Variants in MEF2C observed in about 807,000 individuals in gnomAD.
MEF2C encodes myocyte enhancer factor 2C.
In MEF2C, 6 loss-of-function variants were observed where a neutral mutation model predicts 50.5. That is an observed-to-expected ratio of 0.12 (90% CI 0.07 to 0.23). The LOEUF is 0.23. MEF2C is among the 10% of genes least tolerant of loss of function. MEF2C has a pLI of 1.00. For synonymous variants in MEF2C, 183 were observed against 228.0 expected (o/e 0.80, Z 1.78); for missense variants, 276 against 605.0 (o/e 0.46, Z 5.70).
Position 88,731,501 on chromosome 5 carries a change from C to T in MEF2C, c.810+228G>A, listed in dbSNP as rs1761582171. On this transcript the variant is annotated intron_variant, in intron 7 of 10. Transcript: ENST00000504921. ...GTTTTTCTTATCCTAGAACATCAGC[C>T]TAGTGAAGTTCACCAGATATATATA... 4 of 461,384 alleles carry T rather than the reference C, an allele frequency of 8.7e-6. No homozygotes were observed. In the South Asian group the frequency reaches 1.0e-4, roughly 12 times the overall value. The allele number at this position is 461,384 out of a possible 1,614,324, so 28.6% of individuals were successfully genotyped here.
rs1034133500 is a variant in MEF2C at position 88,783,768 on chromosome 5, T to C, written c.258+20830A>G. Reference sequence around the variant, plus strand: ...ATGTTGCCTCCCTCTAAATACCCCATAGTTCTCATTACGTTGTTTTGTCCA... The same window carrying C: ...ATGTTGCCTCCCTCTAAATACCCCACAGTTCTCATTACGTTGTTTTGTCCA... On this transcript the variant is annotated intron_variant, in intron 3 of 10. Coordinates refer to ENST00000504921, the MANE Select transcript of MEF2C (RefSeq NM_002397.5). 2.6e-5 allele frequency among the ~76,000 whole-genome samples: 4 copies of C among 152,232 alleles called. No homozygotes were observed. In the East Asian group the frequency reaches 5.8e-4, roughly 22 times the overall value.
At chr5:88,727,607 G>C (rs1253188871) in intron 10 of MEF2C, among the ~76,000 whole-genome samples, 1 of 152,114 alleles carries the variant, frequency 6.6e-6, no homozygotes, top group Non-Finnish European at 1.5e-5. Flanking sequence ...AAATGGCTAA[G>C]CAGAAAAGTA....
chr5:88,903,199 T>G (rs1835838703), intron 1 of MEF2C, among the ~76,000 whole-genome samples: 1 of 151,884 alleles, frequency 6.6e-6, no homozygotes, highest in Non-Finnish European at 1.5e-5. Flanking sequence ...ATACGAATTT[T>G]GGAAATCAGT....
intron 3 of MEF2C, among the ~76,000 whole-genome samples, chr5:88,794,222 T>A (rs1440324639): frequency 6.6e-6 from 1 of 152,234 alleles, no homozygotes; most frequent in Non-Finnish European, 1.5e-5. Context: ...ATCGCCACAC[T>A]GTCTTCCACA....
rs1403174352 is a variant in MEF2C at position 88,734,567 on chromosome 5, T to TG, written c.638-2667_638-2666insC. Reference sequence around the variant, plus strand: ...CACGGAGGCCTTGAGAAAAGTTTGTTTTTTTTTTTTTTTTTTTTTTTTTTT... The same window carrying TG: ...CACGGAGGCCTTGAGAAAAGTTTGTTGTTTTTTTTTTTTTTTTTTTTTTTTT... On this transcript the variant is annotated intron_variant, in intron 6 of 10. Coordinates refer to ENST00000504921, the MANE Select transcript of MEF2C (RefSeq NM_002397.5). 1,506 of 333,058 alleles carry TG rather than the reference T, an allele frequency of 4.5e-3. 3 individuals carry two copies. The highest frequency in any genetic ancestry group is 5.1e-3 in the Non-Finnish European group (1,407 of 277,950). 20.6% of individuals were successfully genotyped at this position (333,058 alleles called of 1,614,324 possible).
chr5:88,891,056 G>T (rs1834484171), intron 1 of MEF2C, among the ~76,000 whole-genome samples: 1 of 152,196 alleles, frequency 6.6e-6, no homozygotes, highest in African/African-American at 2.4e-5. Context: ...CCTCCAGGAA[G>T]AAATTCCATT....
intron 2 of MEF2C, among the ~76,000 whole-genome samples, chr5:88,814,012 T>A (rs900671131): frequency 1.3e-5 from 2 of 152,026 alleles, no homozygotes; most frequent in African/African-American, 4.8e-5. Context: ...GAATGACTAA[T>A]GAGTGACAGA....
At chr5:88,737,500 G>A (rs1258218002) in intron 6 of MEF2C, 5 of 985,256 alleles carry the variant, frequency 5.1e-6, no homozygotes, top group East Asian at 2.3e-4. Flanking sequence ...CCACACTGAC[G>A]AGTATTTGTT....
intron 4 of MEF2C, among the ~76,000 whole-genome samples, chr5:88,758,097 T>G (rs148764717): frequency 3.7e-4 from 57 of 152,288 alleles, no homozygotes; most frequent in African/African-American, 1.3e-3. Context: ...TGTACCTGTA[T>G]GTTCAATCTT....
chr5:88,870,684 G>A (rs1273375906), intron 1 of MEF2C, among the ~76,000 whole-genome samples: 1 of 152,002 alleles, frequency 6.6e-6, no homozygotes, highest in Admixed American at 6.6e-5. Flanking sequence ...GTAAATTAGA[G>A]CTGTTTTGTC....
chr5:88,823,417 G>T (rs577969438), intron 2 of MEF2C, among the ~76,000 whole-genome samples: 1 of 152,018 alleles, frequency 6.6e-6, no homozygotes, highest in Admixed American at 6.6e-5. Context: ...TTGATGATGC[G>T]TGCAATGTAG....
intron 1 of MEF2C, among the ~76,000 whole-genome samples, chr5:88,866,593 G>A (rs190208637): frequency 1.3e-5 from 2 of 152,146 alleles, no homozygotes; most frequent in East Asian, 1.9e-4. Context: ...TTTTCAAAAG[G>A]TCTTTTACTG....
At chr5:88,750,088 A>G in intron 5 of MEF2C, 1 of 713,898 alleles carries the variant, frequency 1.4e-6, no homozygotes, top group Non-Finnish European at 1.7e-6. Flanking sequence ...AAAGAATAAT[A>G]GTGAGAATAT....
chr5:88,759,939 C>A (rs1777102948), intron 4 of MEF2C, among the ~76,000 whole-genome samples: 1 of 152,208 alleles, frequency 6.6e-6, no homozygotes, highest in Non-Finnish European at 1.5e-5. Flanking sequence ...TGAATTTGGC[C>A]TCGAACTTTG....
intron 1 of MEF2C, among the ~76,000 whole-genome samples, chr5:88,875,733 C>T (rs1830851224): frequency 6.6e-6 from 1 of 151,062 alleles, no homozygotes; most frequent in Admixed American, 6.6e-5. Context: ...AAAGGTATTT[C>T]CCCTATTTCC....
At chr5:88,752,075 A>G (rs773191317) in intron 4 of MEF2C, 32 bp from the exon 5 acceptor site, 2 of 1,558,302 alleles carry the variant, frequency 1.3e-6, no homozygotes, top group African/African-American at 1.4e-5. Context: ...CAAAGGTAAA[A>G]GAAAAGAATT....
intron 1 of MEF2C, among the ~76,000 whole-genome samples, chr5:88,848,120 T>C (rs781516269): frequency 5.3e-5 from 8 of 152,208 alleles, no homozygotes; most frequent in Non-Finnish European, 1.0e-4. Flanking sequence ...GCTGAGATTT[T>C]AAATCTTTAA....
chr5:88,740,236 GT>G, intron 6 of MEF2C: 1 of 507,420 alleles, frequency 2.0e-6, no homozygotes, highest in Non-Finnish European at 2.3e-6. Context: ...GATTTTGCGT[GT>G]GTGTGTGTGT....
At chr5:88,791,050 A>G (rs1320893319) in intron 3 of MEF2C, among the ~76,000 whole-genome samples, 1 of 152,188 alleles carries the variant, frequency 6.6e-6, no homozygotes, top group Non-Finnish European at 1.5e-5. Context: ...ATATTCAGTA[A>G]CTTTTCCTGA....
Sources: gnomAD v4.1 joint callset for allele counts (sites outside exome capture counted in the v4.1 genomes callset) on GRCh38, gnomAD v4.1.1 for gene constraint, MANE v1.5 for transcripts, NCBI Gene and HGNC (gene_info 2026-07-23, HGNC 2026-07-21) for gene names.